The following ATRNL1 variants were observed in gnomAD, a reference collection of about 807,000 sequenced individuals.
The protein encoded by ATRNL1 is attractin-like protein 1.
Under a neutral mutation model 182.7 loss-of-function variants are expected in ATRNL1, and 95 were observed. That is an observed-to-expected ratio of 0.52 (90% CI 0.44 to 0.62). ATRNL1 has a LOEUF of 0.62. ATRNL1 is among the 20% of genes least tolerant of loss of function. The probability of loss-of-function intolerance (pLI) is 0.00; values close to 1 mark genes in which losing one functional copy is unlikely to be tolerated. For synonymous variants in ATRNL1, 576 were observed against 568.3 expected (o/e 1.01, Z -0.19); for missense variants, 1,471 against 1,679.5 (o/e 0.88, Z 2.17).
intron 20 of ATRNL1, among the ~76,000 whole-genome samples, chr10:115,419,727 T>A (rs1241641633): frequency 6.6e-6 from 1 of 152,198 alleles, no homozygotes; most frequent in Non-Finnish European, 1.5e-5. Context: ...GATACAATTA[T>A]AAACATATAT....
chr10:115,595,799 T>G (rs545297463), intron 26 of ATRNL1, among the ~76,000 whole-genome samples: 1 of 152,092 alleles, frequency 6.6e-6, no homozygotes, highest in Non-Finnish European at 1.5e-5. Flanking sequence ...TTGAAAAGGT[T>G]AGAATTAATT....
At chr10:115,903,079 A>T (rs1555113840) in intron 28 of ATRNL1, among the ~76,000 whole-genome samples, 1 of 152,186 alleles carries the variant, frequency 6.6e-6, no homozygotes, top group Non-Finnish European at 1.5e-5. Context: ...TTTAAATTTT[A>T]AATGTACATA....
intron 1 of ATRNL1, among the ~76,000 whole-genome samples, chr10:115,097,119 G>A (rs1429910890): frequency 6.6e-6 from 1 of 151,988 alleles, no homozygotes; most frequent in Non-Finnish European, 1.5e-5. Flanking sequence ...CTTTATATTA[G>A]TCAAATATAA....
chr10:115,562,690 G>T (rs782036557), intron 26 of ATRNL1, among the ~76,000 whole-genome samples: 1 of 152,026 alleles, frequency 6.6e-6, no homozygotes, highest in Non-Finnish European at 1.5e-5. Context: ...CCTTCACTGG[G>T]CACTCATTCT....
chr10:115,600,844 G>T lies in ATRNL1; in HGVS notation c.3795+51308G>T, dbSNP rs577993694. ...TCCCATTTTTTTCTAAATATTTATG[G>T]TTTTAGCTTTTTTATTTGAGTCTAT... is the stretch of plus-strand genomic sequence containing the variant. On this transcript the variant is annotated intron_variant, in intron 26 of 28. Coordinates refer to ENST00000355044, the MANE Select transcript of ATRNL1 (RefSeq NM_207303.4). Among the ~76,000 whole-genome samples, 13 of 150,850 alleles carry T rather than the reference G, an allele frequency of 8.6e-5. No individual in the cohort carries two copies. In the East Asian group the frequency reaches 2.1e-3, roughly 25 times the overall value.
chr10:115,198,311 C>T (rs1252771485), intron 8 of ATRNL1, among the ~76,000 whole-genome samples: 7 of 152,008 alleles, frequency 4.6e-5, no homozygotes, highest in African/African-American at 1.7e-4. Flanking sequence ...TGTGTATCTT[C>T]TTTTGAGAAA....
rs187778013 is a variant in ATRNL1, at chr10:115,279,582, A to G, written c.2101-1773A>G. ...GAGAATTTAAAGATGTTTGATGGGC[A>G]ACTGTAGCCAATTTCTGCTATAGTA... On this transcript the variant is annotated intron_variant, in intron 13 of 28. Coordinates refer to ENST00000355044, the MANE Select transcript of ATRNL1 (RefSeq NM_207303.4). 1.9e-3 allele frequency among the ~76,000 whole-genome samples: 290 copies of G among 152,334 alleles called. 1 individual carries two copies. The highest frequency in any genetic ancestry group is 3.4e-3 in the Middle Eastern group (1 of 294).
intron 26 of ATRNL1, among the ~76,000 whole-genome samples, chr10:115,705,944 G>A (rs1946882532): frequency 6.6e-6 from 1 of 152,070 alleles, no homozygotes; most frequent in East Asian, 1.9e-4. Flanking sequence ...TTAGTGGACA[G>A]AGTTAATTTT....
At chr10:115,600,866 C>T (rs1458497805) in intron 26 of ATRNL1, among the ~76,000 whole-genome samples, 2 of 148,506 alleles carry the variant, frequency 1.3e-5, no homozygotes, top group African/African-American at 4.9e-5. Flanking sequence ...TTATTTGAGT[C>T]TATGATTAGT....
At chr10:115,653,747 C>T (rs1272782623) in intron 26 of ATRNL1, among the ~76,000 whole-genome samples, 1 of 152,196 alleles carries the variant, frequency 6.6e-6, no homozygotes, top group Non-Finnish European at 1.5e-5. Context: ...ACACTCTAAG[C>T]TCCTTGTTTG....
intron 27 of ATRNL1, among the ~76,000 whole-genome samples, chr10:115,753,483 T>C (rs1776629019): frequency 6.6e-6 from 1 of 152,176 alleles, no homozygotes; most frequent in South Asian, 2.1e-4. Context: ...GCTTCATCCA[T>C]GTCCCTGCAA....
chr10:115,631,134 A>C (rs1555026261), intron 26 of ATRNL1, among the ~76,000 whole-genome samples: 1 of 152,012 alleles, frequency 6.6e-6, no homozygotes, highest in Non-Finnish European at 1.5e-5. Flanking sequence ...GAATGACTAT[A>C]TTCTAGAGAT....
chr10:115,229,616 G>A (rs1230587960), intron 9 of ATRNL1, among the ~76,000 whole-genome samples: 2 of 151,990 alleles, frequency 1.3e-5, no homozygotes, highest in East Asian at 1.9e-4. Flanking sequence ...ATATAGTTGC[G>A]AAGTAAGATA....
intron 28 of ATRNL1, among the ~76,000 whole-genome samples, chr10:115,869,931 T>C (rs1951537542): frequency 6.6e-6 from 1 of 150,576 alleles, no homozygotes. Flanking sequence ...CTAATTATTC[T>C]CCTCTTCTTG....
intron 24 of ATRNL1, among the ~76,000 whole-genome samples, chr10:115,475,950 A>C (rs1848509434): frequency 6.6e-6 from 1 of 151,384 alleles, no homozygotes. Flanking sequence ...TCATCATAAC[A>C]AAGACAAAAT....
intron 25 of ATRNL1, among the ~76,000 whole-genome samples, chr10:115,528,270 G>A (rs1284732614): frequency 6.6e-6 from 1 of 151,826 alleles, no homozygotes; most frequent in Non-Finnish European, 1.5e-5. Context: ...CTTCTTTGTT[G>A]TGGTATATTT....
At chr10:115,281,271 C>A in intron 13 of ATRNL1, 84 bp from the exon 14 acceptor site, 1 of 1,195,052 alleles carries the variant, frequency 8.4e-7, no homozygotes, top group Non-Finnish European at 1.2e-6. Context: ...TTTTAAAGTT[C>A]ACCAGAGGAT....
chr10:115,177,181 T>A (rs1030139129), intron 8 of ATRNL1, among the ~76,000 whole-genome samples: 3 of 152,138 alleles, frequency 2.0e-5, no homozygotes, highest in Admixed American at 2.0e-4. Flanking sequence ...TCAAGTACAA[T>A]CATTACTAAG....
intron 3 of ATRNL1, among the ~76,000 whole-genome samples, chr10:115,126,019 A>C (rs1438958478): frequency 1.3e-5 from 2 of 152,168 alleles, no homozygotes; most frequent in Non-Finnish European, 2.9e-5. Context: ...ATTGTTTTTA[A>C]AATACTTGTA....
Sources: gnomAD v4.1 joint callset for allele counts (sites outside exome capture counted in the v4.1 genomes callset) on GRCh38, gnomAD v4.1.1 for gene constraint, MANE v1.5 for transcripts, NCBI Gene and HGNC (gene_info 2026-07-23, HGNC 2026-07-21) for gene names.